Variants in XKR6 observed in about 807,000 individuals in gnomAD.
XKR6 encodes the protein XK-related protein 6.
XKR6 carries 22 observed loss-of-function variants against 56.7 expected under a neutral mutation model. The ratio of observed to expected loss-of-function variants is 0.39; its 90% CI spans 0.28 to 0.55. The LOEUF (loss-of-function observed/expected upper bound fraction) is 0.55. Among genes scored for constraint, XKR6 ranks in the 20% least tolerant of loss-of-function variants. XKR6 has a pLI of 0.66. For missense variants in XKR6, 852 were observed against 889.0 expected (o/e 0.96, Z 0.53); for synonymous variants, 524 against 387.8 (o/e 1.35, Z -4.13).
At chr8:11,046,080 C>A (rs1425725912) in intron 1 of XKR6, among the ~76,000 whole-genome samples, 1 of 151,958 alleles carries the variant, frequency 6.6e-6, no homozygotes, top group Admixed American at 6.6e-5. Context: ...ATCCCACTTC[C>A]GGGTATATAC....
At chr8:10,914,168 C>T (rs1800489643) in intron 2 of XKR6, among the ~76,000 whole-genome samples, 1 of 132,232 alleles carries the variant, frequency 7.6e-6, no homozygotes, top group Admixed American at 7.1e-5. Flanking sequence ...TCAGAGAGTG[C>T]CCCCCACCCA....
chr8:11,010,524 CCCTAGCACAATG>C (rs578245073), intron 1 of XKR6, among the ~76,000 whole-genome samples: 29 of 152,236 alleles, frequency 1.9e-4, no homozygotes, highest in Admixed American at 1.3e-3. Flanking sequence ...AGGCACAATG[CCCTAGCACAATG>C]CCTAGCACAC....
chr8:11,171,555 G>C (rs1263354562), intron 1 of XKR6, among the ~76,000 whole-genome samples: 2 of 152,122 alleles, frequency 1.3e-5, no homozygotes, highest in African/African-American at 4.8e-5. Context: ...GTCCCCACGG[G>C]AGCTGGTTGT....
At chr8:11,186,155 T>A (rs1006682564) in intron 1 of XKR6, among the ~76,000 whole-genome samples, 1 of 152,120 alleles carries the variant, frequency 6.6e-6, no homozygotes, top group Non-Finnish European at 1.5e-5. Flanking sequence ...TTTTTTTTTA[T>A]ACATACACAC....
chr8:11,082,071 C>T, intron 1 of XKR6, among the ~76,000 whole-genome samples: 1 of 152,200 alleles, frequency 6.6e-6, no homozygotes, highest in East Asian at 1.9e-4. Flanking sequence ...CTGGTGTAGG[C>T]TTTGCAGACA....
chr8:10,950,199 C>T (rs995511871), intron 1 of XKR6, among the ~76,000 whole-genome samples: 3 of 151,352 alleles, frequency 2.0e-5, no homozygotes, highest in South Asian at 4.2e-4. Context: ...AGGCCAGCAG[C>T]CCTCACCTCC....
At chr8:11,066,725 G>T (rs1354032612) in intron 1 of XKR6, 3 of 152,180 alleles carry the variant, frequency 2.0e-5, no homozygotes, top group Non-Finnish European at 4.4e-5. Context: ...CAATCATTGT[G>T]GCCATTTTCT....
intron 1 of XKR6, among the ~76,000 whole-genome samples, chr8:11,168,105 C>T (rs1028852259): frequency 1.3e-5 from 2 of 152,016 alleles, no homozygotes; most frequent in African/African-American, 2.4e-5. Context: ...TCCAGAGACA[C>T]AACACTGTAA....
chr8:10,999,329 G>A (rs1364211266), intron 1 of XKR6, among the ~76,000 whole-genome samples: 1 of 152,240 alleles, frequency 6.6e-6, no homozygotes, highest in Non-Finnish European at 1.5e-5. Flanking sequence ...GTTGGCTAAG[G>A]AGATGCACAT....
At chr8:10,946,127 C>T (rs1298496022) in intron 1 of XKR6, among the ~76,000 whole-genome samples, 1 of 152,064 alleles carries the variant, frequency 6.6e-6, no homozygotes, top group Non-Finnish European at 1.5e-5. Flanking sequence ...TGACCACACA[C>T]ACCTCCCTGT....
intron 2 of XKR6, among the ~76,000 whole-genome samples, chr8:10,915,675 T>C (rs1035004906): frequency 3.9e-5 from 6 of 152,198 alleles, no homozygotes; most frequent in Non-Finnish European, 8.8e-5. Context: ...GGTAATGGTT[T>C]AATGTATTGC....
chr8:11,033,359 CGATAGTGATGGTGATGG>C (rs1799046897), intron 1 of XKR6, among the ~76,000 whole-genome samples: 4 of 138,768 alleles, frequency 2.9e-5, no homozygotes, highest in African/African-American at 1.2e-4. Context: ...ATGATGATGA[CGATAGTGATGGTGATGG>C]TGGTGGTGAT....
intron 1 of XKR6, among the ~76,000 whole-genome samples, chr8:10,928,323 T>C (rs1057419531): frequency 6.6e-6 from 1 of 152,220 alleles, no homozygotes; most frequent in African/African-American, 2.4e-5. Context: ...CGGCTGCTGC[T>C]GTCCTCGAGG....
chr8:10,969,132 T>C (rs888822617), intron 1 of XKR6, among the ~76,000 whole-genome samples: 2 of 152,228 alleles, frequency 1.3e-5, no homozygotes, highest in Non-Finnish European at 2.9e-5. Flanking sequence ...GAAATTCTTA[T>C]TTCCTGGGTC....
At chr8:11,183,083 G>C (rs546934302) in intron 1 of XKR6, among the ~76,000 whole-genome samples, 1 of 152,168 alleles carries the variant, frequency 6.6e-6, no homozygotes, top group African/African-American at 2.4e-5. Flanking sequence ...CTTTGAATGC[G>C]TCTTGTATCC....
At chr8:11,174,447 G>A (rs530092767) in intron 1 of XKR6, among the ~76,000 whole-genome samples, 2 of 152,278 alleles carry the variant, frequency 1.3e-5, no homozygotes, top group South Asian at 2.1e-4. Context: ...TTTACGAGCC[G>A]AGCACCGCAT....
intron 1 of XKR6, among the ~76,000 whole-genome samples, chr8:11,005,506 C>A (rs886884237): frequency 2.6e-5 from 4 of 151,994 alleles, no homozygotes; most frequent in African/African-American, 9.7e-5. Flanking sequence ...TTGTACAACA[C>A]CATGGATGTA....
chr8:10,903,444 A>G (rs891776061), intron 2 of XKR6, among the ~76,000 whole-genome samples: 4 of 152,162 alleles, frequency 2.6e-5, no homozygotes, highest in Admixed American at 2.6e-4. Flanking sequence ...GGCAGGATTC[A>G]CTGAGCATCT....
chr8:11,086,146 A>ATTTTT (rs1341128866), intron 1 of XKR6, among the ~76,000 whole-genome samples: 15 of 116,520 alleles, frequency 1.3e-4, no homozygotes, highest in Non-Finnish European at 2.5e-4. Flanking sequence ...ATATATATAT[A>ATTTTT]TATTTTTTTT....
Sources: gnomAD v4.1 joint callset for allele counts (sites outside exome capture counted in the v4.1 genomes callset) on GRCh38, gnomAD v4.1.1 for gene constraint, MANE v1.5 for transcripts, NCBI Gene and HGNC (gene_info 2026-07-23, HGNC 2026-07-21) for gene names.